SOX6: variants seen among roughly 807,000 people sequenced by gnomAD.
SOX6 encodes SRY-box transcription factor 6.
A neutral mutation model predicts 97.8 loss-of-function variants in SOX6; 11 were observed. That is an observed-to-expected ratio of 0.11 (90% CI 0.07 to 0.19). SOX6 has a LOEUF of 0.19. Among genes scored for constraint, SOX6 ranks in the 10% least tolerant of loss-of-function variants. SOX6 has a pLI of 1.00. For missense variants in SOX6, 810 were observed against 1,039.5 expected (o/e 0.78, Z 3.04); for synonymous variants, 360 against 371.4 (o/e 0.97, Z 0.35).
intron 1 of SOX6, among the ~76,000 whole-genome samples, chr11:16,460,519 GT>G (rs886829676): frequency 1.7e-4 from 26 of 151,834 alleles, no homozygotes; most frequent in Non-Finnish European, 2.9e-4. Context: ...ACTTTATTCT[GT>G]TTTTTTAAGT....
intron 4 of SOX6, among the ~76,000 whole-genome samples, chr11:16,501,410 C>T (rs1007014245): frequency 6.6e-6 from 1 of 152,174 alleles, no homozygotes; most frequent in Admixed American, 6.5e-5. Context: ...GCAAGAACTT[C>T]GTGTCTAAAA....
intron 4 of SOX6, among the ~76,000 whole-genome samples, chr11:16,499,284 G>C (rs1860661689): frequency 1.3e-5 from 2 of 152,112 alleles, no homozygotes; most frequent in Admixed American, 1.3e-4. Context: ...CAACATACCA[G>C]AATCTCTGGG....
At chr11:16,099,707 CTT>C (rs34413272) in intron 7 of SOX6, among the ~76,000 whole-genome samples, 16 of 134,622 alleles carry the variant, frequency 1.2e-4, no homozygotes, top group Non-Finnish European at 1.5e-4. Context: ...TATGAAATAG[CTT>C]TTTTTTTTTT....
At chr11:16,444,135 A>T (rs1859567395) in intron 1 of SOX6, among the ~76,000 whole-genome samples, 1 of 152,176 alleles carries the variant, frequency 6.6e-6, no homozygotes, top group South Asian at 2.1e-4. Context: ...ACTGTTATAA[A>T]AAAAAAAGTA....
At chr11:16,697,587 G>T (rs1274942271) in intron 3 of SOX6, among the ~76,000 whole-genome samples, 2 of 152,166 alleles carry the variant, frequency 1.3e-5, no homozygotes, top group African/African-American at 4.8e-5. Flanking sequence ...TCCAGCCTGG[G>T]TGACAGAGTG....
intron 7 of SOX6, among the ~76,000 whole-genome samples, chr11:16,101,509 T>G (rs1488913344): frequency 6.6e-6 from 1 of 151,676 alleles, no homozygotes; most frequent in Non-Finnish European, 1.5e-5. Context: ...TTTTCTACCT[T>G]TAAGAAAGCT....
At chr11:16,390,415 T>G (rs1264740703) in intron 1 of SOX6, among the ~76,000 whole-genome samples, 2 of 152,196 alleles carry the variant, frequency 1.3e-5, no homozygotes, top group Admixed American at 6.5e-5. Context: ...TAGTTGTGTT[T>G]TGTCCAGAGT....
intron 1 of SOX6, among the ~76,000 whole-genome samples, chr11:16,474,319 G>A (rs535855296): frequency 3.9e-5 from 6 of 152,178 alleles, no homozygotes; most frequent in African/African-American, 1.4e-4. Flanking sequence ...ATGGTATCTA[G>A]AATGGTGACT....
intron 13 of SOX6, among the ~76,000 whole-genome samples, chr11:16,013,605 G>A (rs11023829): frequency 4.2e-4 from 64 of 151,704 alleles, no homozygotes; most frequent in East Asian, 2.5e-3. Context: ...CCTCTTCTTC[G>A]TTCCTTTCCT....
intron 6 of SOX6, among the ~76,000 whole-genome samples, chr11:16,119,966 G>A (rs909277528): frequency 1.3e-5 from 2 of 152,146 alleles, no homozygotes; most frequent in Non-Finnish European, 2.9e-5. Flanking sequence ...TTTGAGAACA[G>A]AGTCCATTCT....
upstream of SOX6, among the ~76,000 whole-genome samples, chr11:16,477,357 A>G (rs1411445601): frequency 6.6e-6 from 1 of 152,234 alleles, no homozygotes; most frequent in African/African-American, 2.4e-5. Context: ...CTGAAAAACA[A>G]TGGATCTTGA....
chr11:16,074,878 T>A (rs1848316002), intron 9 of SOX6, among the ~76,000 whole-genome samples: 1 of 152,096 alleles, frequency 6.6e-6, no homozygotes, highest in African/African-American at 2.4e-5. Flanking sequence ...ATTTTAAAAT[T>A]CATATAGAAC....
At chr11:16,721,234 GA>G (rs1848258767) in intron 2 of SOX6, among the ~76,000 whole-genome samples, 3 of 152,200 alleles carry the variant, frequency 2.0e-5, no homozygotes, top group Admixed American at 1.3e-4. Context: ...GCCCCACTCA[GA>G]AAAGTCTACA....
intron 1 of SOX6, among the ~76,000 whole-genome samples, chr11:16,449,226 T>C (rs7951243): frequency 0.2 from 30,403 of 150,512 alleles, 3,360 homozygotes; most frequent in Admixed American, 0.32. Flanking sequence ...GCAGAAGTAT[T>C]GGGTTTCTCC....
chr11:16,132,307 G>GAAA (rs1849772498), intron 6 of SOX6, among the ~76,000 whole-genome samples: 1 of 113,324 alleles, frequency 8.8e-6, no homozygotes, highest in Admixed American at 1.0e-4. Context: ...AGGAAGGAAG[G>GAAA]AAGGAAGGAA....
At chr11:16,111,121 G>A (rs1432721605) in intron 7 of SOX6, among the ~76,000 whole-genome samples, 1 of 152,106 alleles carries the variant, frequency 6.6e-6, no homozygotes, top group Non-Finnish European at 1.5e-5. Flanking sequence ...AACATTTAAA[G>A]CCCTGTTTAC....
intron 9 of SOX6, among the ~76,000 whole-genome samples, chr11:16,082,665 A>G (rs752867944): frequency 2.6e-5 from 4 of 152,196 alleles, no homozygotes; most frequent in Non-Finnish European, 5.9e-5. Context: ...GGGACTATCA[A>G]TCTTACCAAA....
At chr11:16,658,181 T>C (rs972343567) in intron 3 of SOX6, among the ~76,000 whole-genome samples, 9 of 152,344 alleles carry the variant, frequency 5.9e-5, no homozygotes, top group South Asian at 2.1e-4. Flanking sequence ...AGTTGTTCAC[T>C]TTTGGCAATC....
intron 10 of SOX6, among the ~76,000 whole-genome samples, chr11:16,053,829 G>A (rs547878969): frequency 1.3e-5 from 2 of 152,152 alleles, no homozygotes; most frequent in South Asian, 2.1e-4. Flanking sequence ...AAAGAGAAAC[G>A]TGAGAGATTT....
Sources: allele counts gnomAD v4.1 joint callset (sites outside exome capture counted in the v4.1 genomes callset), GRCh38; gene constraint gnomAD v4.1.1; transcripts MANE v1.5; gene names NCBI Gene and HGNC (gene_info 2026-07-23, HGNC 2026-07-21).